Variants in NCKAP5 observed in about 807,000 individuals in gnomAD.
NCKAP5 encodes the protein nck-associated protein 5.
In NCKAP5, 92 loss-of-function variants were observed where a neutral mutation model predicts 167.0. The observed-to-expected ratio is 0.55, with a 90% CI of 0.47 to 0.66. NCKAP5 has a LOEUF of 0.66. Among genes scored for constraint, NCKAP5 ranks in the 30% least tolerant of loss-of-function variants. The pLI is 0.00. For missense variants in NCKAP5, 2,378 were observed against 2,315.0 expected (o/e 1.03, Z -0.56); for synonymous variants, 891 against 877.4 (o/e 1.02, Z -0.27).
At chr2:133,253,944 C>T (rs531755178) in intron 4 of NCKAP5, among the ~76,000 whole-genome samples, 2 of 152,270 alleles carry the variant, frequency 1.3e-5, no homozygotes, top group African/African-American at 4.8e-5. Flanking sequence ...ATCTGCCTTC[C>T]GTCAACTCCA....
chr2:133,342,050 T>C (rs1041670844), intron 3 of NCKAP5, among the ~76,000 whole-genome samples: 2 of 152,126 alleles, frequency 1.3e-5, no homozygotes, highest in South Asian at 4.1e-4. Context: ...GCCATTCTCC[T>C]GCTTCAGCCT....
chr2:132,878,613 TACACAC>T (rs10544477), intron 9 of NCKAP5, among the ~76,000 whole-genome samples: 15,572 of 131,632 alleles, frequency 0.12, 1,112 homozygotes, highest in African/African-American at 0.22. Flanking sequence ...GGGGGGCAGA[TACACAC>T]ACACACACAC....
chr2:133,159,971 T>G (rs149288928), intron 5 of NCKAP5, among the ~76,000 whole-genome samples: 1 of 152,164 alleles, frequency 6.6e-6, no homozygotes, highest in African/African-American at 2.4e-5. Context: ...GATGGGGATA[T>G]GTAGTCCCTC....
At chr2:133,481,725 G>C (rs1281275644) in intron 3 of NCKAP5, among the ~76,000 whole-genome samples, 2 of 152,068 alleles carry the variant, frequency 1.3e-5, no homozygotes, top group East Asian at 3.8e-4. Context: ...AAGGATAATG[G>C]TCTCCAGCTC....
chr2:132,914,961 C>A (rs1159985327), intron 8 of NCKAP5, among the ~76,000 whole-genome samples: 1 of 147,464 alleles, frequency 6.8e-6, no homozygotes. Flanking sequence ...ATTGCCAGAA[C>A]TCAGCCAGCC....
intron 8 of NCKAP5, among the ~76,000 whole-genome samples, chr2:132,935,919 C>T (rs1021742655): frequency 1.3e-5 from 2 of 151,814 alleles, no homozygotes; most frequent in Non-Finnish European, 2.9e-5. Context: ...AGGCTGGTGC[C>T]GTTAATCAGG....
chr2:133,018,052 C>T (rs1476432836), intron 6 of NCKAP5, among the ~76,000 whole-genome samples: 4 of 152,246 alleles, frequency 2.6e-5, no homozygotes, highest in Middle Eastern at 3.4e-3. Flanking sequence ...TGATCTTTTT[C>T]ATCCTAGCAA....
chr2:133,506,898 T>C (rs1683059083), intron 3 of NCKAP5, among the ~76,000 whole-genome samples: 1 of 152,174 alleles, frequency 6.6e-6, no homozygotes, highest in African/African-American at 2.4e-5. Flanking sequence ...ACTCAAATCC[T>C]CTAAGAGGAT....
chr2:133,510,421 T>C (rs892603302), intron 3 of NCKAP5, among the ~76,000 whole-genome samples: 2 of 152,216 alleles, frequency 1.3e-5, no homozygotes, highest in Admixed American at 1.3e-4. Context: ...ACACACACTA[T>C]TATAAATCGC....
At chr2:133,063,167 G>A (rs1206949944) in intron 6 of NCKAP5, among the ~76,000 whole-genome samples, 3 of 152,192 alleles carry the variant, frequency 2.0e-5, no homozygotes, top group Non-Finnish European at 4.4e-5. Context: ...ACAGCAGGAG[G>A]AAGCTGAGTT....
At chr2:132,921,204 G>A (rs1695402786) in intron 8 of NCKAP5, among the ~76,000 whole-genome samples, 2 of 151,888 alleles carry the variant, frequency 1.3e-5, no homozygotes, top group Non-Finnish European at 2.9e-5. Context: ...GTACCAAACT[G>A]AACCCTTTAT....
intron 11 of NCKAP5, among the ~76,000 whole-genome samples, chr2:132,822,708 G>T (rs1686840298): frequency 6.6e-6 from 1 of 152,078 alleles, no homozygotes; most frequent in Non-Finnish European, 1.5e-5. Flanking sequence ...AAACTAAGAA[G>T]AAATCTCTGA....
At chr2:133,633,459 C>T in the NCKAP5 span, among the ~76,000 whole-genome samples, 1 of 152,132 alleles carries the variant, frequency 6.6e-6, no homozygotes, top group African/African-American at 2.4e-5. Context: ...AAGAGAGTGT[C>T]TCGGAAGAGT....
intron 11 of NCKAP5, among the ~76,000 whole-genome samples, chr2:132,797,494 T>A (rs1246296709): frequency 6.6e-6 from 1 of 152,226 alleles, no homozygotes; most frequent in Non-Finnish European, 1.5e-5. Context: ...ATGTTTCTGC[T>A]AGGCTGATGA....
chr2:133,498,480 A>AGGC (rs1682162161), intron 3 of NCKAP5, among the ~76,000 whole-genome samples: 51 of 101,796 alleles, frequency 5.0e-4, no homozygotes, highest in East Asian at 3.1e-3. Flanking sequence ...GGAAGGAAGG[A>AGGC]AGGCAGGCAG....
At chr2:133,181,281 A>AC (rs1417373785) in intron 5 of NCKAP5, among the ~76,000 whole-genome samples, 2 of 152,078 alleles carry the variant, frequency 1.3e-5, no homozygotes, top group Non-Finnish European at 2.9e-5. Flanking sequence ...AGTTATGTAT[A>AC]TATAATGTAA....
At chr2:133,004,462 T>A (rs2077891845) in intron 6 of NCKAP5, among the ~76,000 whole-genome samples, 1 of 152,108 alleles carries the variant, frequency 6.6e-6, no homozygotes, top group African/African-American at 2.4e-5. Context: ...GGGCATCACA[T>A]GTCGACAGGT....
At chr2:133,070,113 T>G (rs1320106672) in intron 6 of NCKAP5, among the ~76,000 whole-genome samples, 3 of 152,164 alleles carry the variant, frequency 2.0e-5, no homozygotes, top group African/African-American at 7.2e-5. Context: ...TGTATGGAGT[T>G]TGTCAATGAG....
intron 6 of NCKAP5, among the ~76,000 whole-genome samples, chr2:133,043,061 T>C (rs1006694527): frequency 6.6e-6 from 1 of 152,128 alleles, no homozygotes; most frequent in Non-Finnish European, 1.5e-5. Flanking sequence ...TTCCAGTGGG[T>C]GGGGCTTCCC....
Sources: gnomAD v4.1 joint callset for allele counts (sites outside exome capture counted in the v4.1 genomes callset) on GRCh38, gnomAD v4.1.1 for gene constraint, MANE v1.5 for transcripts, NCBI Gene and HGNC (gene_info 2026-07-23, HGNC 2026-07-21) for gene names.